The following RBFOX3 variants were observed in gnomAD, a reference collection of about 807,000 sequenced individuals.
The protein encoded by RBFOX3 is RNA binding protein fox-1 homolog 3.
In RBFOX3, 17 loss-of-function variants were observed where a neutral mutation model predicts 48.7. The ratio of observed to expected loss-of-function variants is 0.35; its 90% CI spans 0.24 to 0.52. The LOEUF (loss-of-function observed/expected upper bound fraction) is 0.52, where lower values mean the gene tolerates loss of function less well. RBFOX3 is among the 20% of genes least tolerant of loss of function. The pLI is 0.94. For missense variants in RBFOX3, 382 were observed against 497.5 expected (o/e 0.77, Z 2.21); for synonymous variants, 212 against 209.5 (o/e 1.01, Z -0.10).
intron 3 of RBFOX3, among the ~76,000 whole-genome samples, chr17:79,246,290 C>T (rs1160263479): frequency 6.6e-6 from 1 of 152,222 alleles, no homozygotes; most frequent in African/African-American, 2.4e-5. Flanking sequence ...CCCTGCCTTG[C>T]AGCCAGGCAC....
chr17:79,172,173 C>CAAAAAAAAA (rs977301314), intron 4 of RBFOX3, among the ~76,000 whole-genome samples: 6 of 52,440 alleles, frequency 1.1e-4, no homozygotes, highest in African/African-American at 2.3e-4. Flanking sequence ...GAGTCCGTCT[C>CAAAAAAAAA]AAAAAAAAAA....
chr17:79,490,350 C>T (rs1239492852), intron 1 of RBFOX3, among the ~76,000 whole-genome samples: 1 of 152,148 alleles, frequency 6.6e-6, no homozygotes, highest in Non-Finnish European at 1.5e-5. Flanking sequence ...AAGTGGAGGG[C>T]TGTAATTTGG....
At chr17:79,120,699 T>TGGGGGGGTGGGTGGATGGAA (rs2035480852) in intron 4 of RBFOX3, among the ~76,000 whole-genome samples, 2 of 54,960 alleles carry the variant, frequency 3.6e-5, no homozygotes, top group Non-Finnish European at 7.1e-5. Flanking sequence ...GATAGATGGG[T>TGGGGGGGTGGGTGGATGGAA]GGGTGGGTGG....
upstream of RBFOX3, among the ~76,000 whole-genome samples, chr17:79,612,501 T>C (rs1471643285): frequency 6.6e-6 from 1 of 152,178 alleles, no homozygotes; most frequent in Non-Finnish European, 1.5e-5. Flanking sequence ...GCAGAGACGG[T>C]GGCCAAGACA....
chr17:79,450,282 C>G (rs1386389979), intron 2 of RBFOX3, among the ~76,000 whole-genome samples: 1 of 152,214 alleles, frequency 6.6e-6, no homozygotes, highest in Non-Finnish European at 1.5e-5. Flanking sequence ...CAATTCTAAT[C>G]ACTTCCCTTC....
intron 4 of RBFOX3, among the ~76,000 whole-genome samples, chr17:79,139,133 G>A (rs552983783): frequency 2.6e-5 from 4 of 151,926 alleles, no homozygotes; most frequent in Non-Finnish European, 5.9e-5. Context: ...CAGCACATGC[G>A]TTCACGGTCC....
At position 79,449,391 on chromosome 17, in the gene RBFOX3, G is replaced by C. The variant is rs537017173; in HGVS notation, c.-175+33063C>G. On this transcript the variant is annotated intron_variant, in intron 2 of 14. Transcript: ENST00000693108. ...CCAAACTTTCTCCCTTACAGTTCCC[G>C]GGTCCCCCTCTCAACCTGCCTCCAG... Among the ~76,000 whole-genome samples the C allele has an allele frequency of 5.8e-4, 88 of 151,570 alleles. 1 individual carries two copies. Among genetic ancestry groups the C allele is most frequent in the African/African-American group, 2.1e-3 (86 of 41,260 alleles).
rs1208656420 is a variant in RBFOX3 at position 79,120,699 on chromosome 17, TGGGTGGGTGGGTGGATGGAA to T, written c.-33-4971_-33-4952del. On this transcript the variant is annotated intron_variant, in intron 4 of 14. Transcript: ENST00000693108. ...GTGGATGGTTGGATGGATAGATGGG[TGGGTGGGTGGGTGGATGGAA>T]GGGTGGGTGGGTGGATGGATGGACA... is the stretch of plus-strand genomic sequence containing the variant. 1.6e-4 allele frequency among the ~76,000 whole-genome samples: 9 copies of T among 54,974 alleles called. No individual in the cohort carries two copies. The South Asian group carries it at 7.2e-3, about 44-fold the overall frequency. The allele number at this position is 54,974 out of a possible 152,430, so 36.1% of individuals were successfully genotyped here. A position where few individuals can be genotyped will look rare whatever the true frequency, so the allele number is the denominator to read the frequency against.
At chr17:79,115,941 GGGAGCCTGGCTCT>G (rs1852481438) in intron 4 of RBFOX3, among the ~76,000 whole-genome samples, 193 bp from the exon 5 acceptor site, 1 of 152,066 alleles carries the variant, frequency 6.6e-6, no homozygotes, top group Admixed American at 6.5e-5. Context: ...GGGAATGCCG[GGGAGCCTGGCTCT>G]GGAGTCAGAC....
At chr17:79,505,216 A>G (rs2082921169) in intron 1 of RBFOX3, among the ~76,000 whole-genome samples, 1 of 152,158 alleles carries the variant, frequency 6.6e-6, no homozygotes, top group Admixed American at 6.5e-5. Context: ...TCGCTTCAGA[A>G]GAGGATCTAC....
At chr17:79,217,671 G>A (rs2059225892) in intron 4 of RBFOX3, among the ~76,000 whole-genome samples, 1 of 151,928 alleles carries the variant, frequency 6.6e-6, no homozygotes, top group Non-Finnish European at 1.5e-5. Flanking sequence ...CCTGGAGGTG[G>A]TGACAGCTAA....
chr17:79,592,750 C>T (rs909124835), intron 1 of RBFOX3, among the ~76,000 whole-genome samples: 4 of 152,202 alleles, frequency 2.6e-5, no homozygotes, highest in African/African-American at 4.8e-5. Flanking sequence ...CCAAGGCTGT[C>T]GTCTGTTTCA....
Position 79,254,617 on chromosome 17 carries a change from C to A in RBFOX3, c.-73-18812G>T, listed in dbSNP as rs1286482858. On this transcript the variant is annotated intron_variant, in intron 3 of 14. Coordinates refer to ENST00000693108, the MANE Select transcript of RBFOX3 (RefSeq NM_001350451.2). The surrounding 1 kb of genome is among the most constrained non-coding windows in gnomAD (Gnocchi z 4.8). ...CAGTGCTGGCCCCAGGGATCTCCCA[C>A]CTGCTTGGGTTGGTCTTATGCCACC... Among the ~76,000 whole-genome samples, 1 of 152,146 alleles carries A rather than the reference C, an allele frequency of 6.6e-6. No individual in the cohort carries two copies. The highest frequency in any genetic ancestry group is 2.4e-5 in the African/African-American group (1 of 41,430).
intron 1 of RBFOX3, among the ~76,000 whole-genome samples, chr17:79,549,481 A>C (rs987611072): frequency 1.2e-4 from 19 of 152,280 alleles, no homozygotes; most frequent in African/African-American, 4.6e-4. Flanking sequence ...GAGACGTGAG[A>C]GCAAGTGAAT....
chr17:79,538,517 C>T (rs1474975107), intron 1 of RBFOX3, among the ~76,000 whole-genome samples: 3 of 152,214 alleles, frequency 2.0e-5, no homozygotes, highest in Non-Finnish European at 4.4e-5. Flanking sequence ...GGCCTGGTTC[C>T]CTGCTCTGGA....
intron 1 of RBFOX3, among the ~76,000 whole-genome samples, chr17:79,500,726 A>G (rs1456250057): frequency 6.6e-6 from 1 of 152,174 alleles, no homozygotes; most frequent in Non-Finnish European, 1.5e-5. Context: ...AAAAGGAAAG[A>G]CTTCTGCAAG....
At chr17:79,616,209 G>A in the RBFOX3 span, among the ~76,000 whole-genome samples, 1 of 152,096 alleles carries the variant, frequency 6.6e-6, no homozygotes, top group African/African-American at 2.4e-5. Context: ...AAATTATAAG[G>A]TTACTCTATG....
intron 13 of RBFOX3, among the ~76,000 whole-genome samples, chr17:79,095,004 G>A (rs1304906005): frequency 2.0e-5 from 3 of 152,112 alleles, no homozygotes; most frequent in Non-Finnish European, 4.4e-5. Context: ...TCTGTGCAGG[G>A]AACTCTCAGC....
chr17:79,398,908 G>A (rs1030013243), intron 2 of RBFOX3, among the ~76,000 whole-genome samples: 1 of 152,188 alleles, frequency 6.6e-6, no homozygotes, highest in African/African-American at 2.4e-5. Context: ...ATCTTCTTTG[G>A]AAACAGAGCC....
Sources: allele counts gnomAD v4.1 joint callset (sites outside exome capture counted in the v4.1 genomes callset), GRCh38; gene constraint gnomAD v4.1.1; non-coding constraint Gnocchi (gnomAD v3.1); transcripts MANE v1.5; gene names NCBI Gene and HGNC (gene_info 2026-07-23, HGNC 2026-07-21).